VPS13B: variants seen among roughly 807,000 people sequenced by gnomAD.
VPS13B encodes the protein vacuolar protein sorting 13 homolog B.
A neutral mutation model predicts 426.4 loss-of-function variants in VPS13B; 285 were observed. That is an observed-to-expected ratio of 0.67 (90% confidence interval 0.61 to 0.74). VPS13B has a LOEUF of 0.74. VPS13B is among the 30% of genes least tolerant of loss of function. The probability of loss-of-function intolerance (pLI) is 0.00; values close to 1 mark genes in which losing one functional copy is unlikely to be tolerated. For missense variants in VPS13B, 4,537 were observed against 4,782.6 expected (o/e 0.95, Z 1.51); for synonymous variants, 1,676 against 1,676.4 (o/e 1.00, Z 0.01).
rs1236948038 is a variant in VPS13B at position 99,875,484 on chromosome 8, ACAT to A, written c.11814_11816del (p.Ser3939del). On this transcript the variant is annotated inframe_deletion, in exon 62 of 62. Coordinates refer to ENST00000357162, the MANE Select transcript of VPS13B (RefSeq NM_152564.5). ...CAGACTGGTGGACTACATCACAAAG[ACAT>A]CTTGTCACCTGGCCCCCAGCTGTTC... 1 of 1,614,056 alleles carries A rather than the reference ACAT, an allele frequency of 6.2e-7. No homozygotes were observed. Among genetic ancestry groups the A allele is most frequent in the Non-Finnish European group, 8.5e-7 (1 of 1,180,044 alleles).
intron 17 of VPS13B, among the ~76,000 whole-genome samples, chr8:99,212,148 G>A (rs1324256560): frequency 6.6e-6 from 1 of 152,108 alleles, no homozygotes. Flanking sequence ...CCGCCTTGGC[G>A]TCCCACAGTT....
intron 8 of VPS13B, among the ~76,000 whole-genome samples, chr8:99,133,175 CTTCTGGG>C (rs1275610049): frequency 6.6e-6 from 1 of 152,154 alleles, no homozygotes; most frequent in Non-Finnish European, 1.5e-5. Flanking sequence ...TTAGCTAGGT[CTTCTGGG>C]TAACTGCGTG....
intron 21 of VPS13B, among the ~76,000 whole-genome samples, chr8:99,419,653 A>C (rs775212906): frequency 6.6e-6 from 1 of 152,230 alleles, no homozygotes; most frequent in Non-Finnish European, 1.5e-5. Flanking sequence ...AAAAATAAAA[A>C]TTGACAATGA....
Position 99,874,277 on chromosome 8 carries a change from G to C in VPS13B, c.11746-1141G>C, listed in dbSNP as rs1817579540. 2.0e-5 allele frequency among the ~76,000 whole-genome samples: 3 copies of C among 152,164 alleles called. No homozygotes were observed. In the South Asian group the frequency reaches 6.2e-4, roughly 32 times the overall value. On this transcript the variant is annotated intron_variant, in intron 61 of 61. Coordinates refer to ENST00000357162, the MANE Select transcript of VPS13B (RefSeq NM_152564.5). The stretch of plus-strand genomic sequence containing the variant: ...CAGCTGAATTCTGGCCCCATCAAAT[G>C]ATATCAGAGCTCTGGCTTTTGCCTG...
intron 34 of VPS13B, among the ~76,000 whole-genome samples, chr8:99,643,961 G>T (rs903739759): frequency 6.6e-6 from 1 of 152,144 alleles, no homozygotes; most frequent in Non-Finnish European, 1.5e-5. Context: ...TCTGCTTGGC[G>T]TTAGCCAAAA....
intron 17 of VPS13B, among the ~76,000 whole-genome samples, chr8:99,262,769 C>CTGTTGTTGT (rs373225716): frequency 0.11 from 16,465 of 149,944 alleles, 930 homozygotes; most frequent in South Asian, 0.15. Flanking sequence ...TTTGGATGGT[C>CTGTTGTTGT]TGTTGTTGTT....
At chr8:99,041,840 G>A (rs1208780054) in intron 3 of VPS13B, among the ~76,000 whole-genome samples, 4 of 144,142 alleles carry the variant, frequency 2.8e-5, no homozygotes, top group African/African-American at 7.7e-5. Flanking sequence ...GCGACAGAGC[G>A]AGACTCTGTC....
intron 39 of VPS13B, among the ~76,000 whole-genome samples, chr8:99,742,684 T>C (rs1016291481): frequency 2.1e-4 from 32 of 152,156 alleles, no homozygotes; most frequent in Non-Finnish European, 4.4e-4. Flanking sequence ...CGCAAATCAA[T>C]AAATGTAATC....
intron 14 of VPS13B, among the ~76,000 whole-genome samples, chr8:99,148,461 T>G (rs1357445826): frequency 6.6e-6 from 1 of 152,090 alleles, no homozygotes; most frequent in Non-Finnish European, 1.5e-5. Context: ...TAACTGTTAA[T>G]TTTTAAAATG....
chr8:99,570,448 A>T (rs1308532514), intron 31 of VPS13B, among the ~76,000 whole-genome samples: 1 of 152,130 alleles, frequency 6.6e-6, no homozygotes, highest in Non-Finnish European at 1.5e-5. Context: ...ATATATCTAA[A>T]TGCTATTTAT....
At chr8:99,313,504 T>G (rs751360094) in intron 19 of VPS13B, among the ~76,000 whole-genome samples, 51 of 152,272 alleles carry the variant, frequency 3.3e-4, no homozygotes, top group Non-Finnish European at 5.0e-4. Flanking sequence ...ACCACAAATG[T>G]TGCTGCCTGA....
intron 3 of VPS13B, among the ~76,000 whole-genome samples, chr8:99,044,143 G>A (rs1370627191): frequency 1.4e-5 from 2 of 147,544 alleles, no homozygotes; most frequent in African/African-American, 5.0e-5. Flanking sequence ...GAGTGCAGGG[G>A]CGCGATCTCG....
chr8:99,763,191 AAAAAGT>A (rs1052912582), intron 39 of VPS13B, among the ~76,000 whole-genome samples: 2 of 151,234 alleles, frequency 1.3e-5, no homozygotes, highest in Non-Finnish European at 2.9e-5. Flanking sequence ...TTTGCCCAAG[AAAAAGT>A]TAATGGAGCT....
chr8:99,061,960 C>T (rs1844212950), intron 3 of VPS13B, among the ~76,000 whole-genome samples: 3 of 152,070 alleles, frequency 2.0e-5, no homozygotes, highest in East Asian at 1.9e-4. Context: ...GTTTGGTGTT[C>T]GTTGTTATTT....
At chr8:99,793,254 C>CATATATATATATATATATAT (rs779913773) in intron 43 of VPS13B, among the ~76,000 whole-genome samples, 329 of 106,870 alleles carry the variant, frequency 3.1e-3, no homozygotes, top group Non-Finnish European at 3.9e-3. Flanking sequence ...TTGCCCTCTC[C>CATATATATATATATATATAT]ATATATATAT....
At chr8:99,569,888 A>G (rs1263911419) in intron 31 of VPS13B, among the ~76,000 whole-genome samples, 2 of 152,134 alleles carry the variant, frequency 1.3e-5, no homozygotes, top group African/African-American at 2.4e-5. Context: ...AAAATAGTCA[A>G]TGTTTTGTTA....
intron 19 of VPS13B, among the ~76,000 whole-genome samples, chr8:99,355,198 AT>A (rs770956101): frequency 6.6e-6 from 1 of 152,134 alleles, no homozygotes; most frequent in Non-Finnish European, 1.5e-5. Flanking sequence ...ACTTAGAGTG[AT>A]TTTTCCCCTT....
At chr8:99,494,552 C>T (rs1301370137) in intron 25 of VPS13B, among the ~76,000 whole-genome samples, 2 of 152,094 alleles carry the variant, frequency 1.3e-5, no homozygotes, top group Non-Finnish European at 1.5e-5. Context: ...TTGTATCCCA[C>T]AACTTTGTGG....
intron 35 of VPS13B, among the ~76,000 whole-genome samples, chr8:99,669,062 C>A (rs1268443145): frequency 6.6e-6 from 1 of 152,112 alleles, no homozygotes; most frequent in Non-Finnish European, 1.5e-5. Flanking sequence ...GCAGGGCCAC[C>A]TGTTCCCAGC....
Sources: gnomAD v4.1 joint callset for allele counts (sites outside exome capture counted in the v4.1 genomes callset) on GRCh38, gnomAD v4.1.1 for gene constraint, MANE v1.5 for transcripts, NCBI Gene and HGNC (gene_info 2026-07-23, HGNC 2026-07-21) for gene names.